The following COX6B1 variants were observed in gnomAD, a reference collection of about 807,000 sequenced individuals.
COX6B1 encodes the protein COX VIb-1.
In COX6B1, 2 loss-of-function variants were observed where a neutral mutation model predicts 14.0. The observed-to-expected ratio is 0.14, with a 90% CI of 0.06 to 0.45. COX6B1 has a LOEUF of 0.45. Ranked by LOEUF, COX6B1 falls within the 20% of genes least tolerant of loss-of-function variation. COX6B1 has a pLI of 0.98. For synonymous variants in COX6B1, 30 were observed against 39.7 expected, an observed-to-expected ratio of 0.76 and a Z score of 0.92; for missense variants, 81 against 114.2, an observed-to-expected ratio of 0.71 and a Z score of 1.33.
At chr19:35,650,295 A>C (rs1967810692) in intron 1 of COX6B1, among the ~76,000 whole-genome samples, 1 of 152,100 alleles carries the variant, frequency 6.6e-6, no homozygotes, top group Admixed American at 6.6e-5. Flanking sequence ...GAGCCACCGC[A>C]CCCGGCGAAA....
chr19:35,651,117 A>T, intron 1 of COX6B1, 116 bp from the exon 2 acceptor site: 1 of 726,630 alleles, frequency 1.4e-6, no homozygotes, highest in Non-Finnish European at 2.5e-6. Context: ...GAGAGGCAGG[A>T]ACTTGTTCAC....
chr19:35,651,405 C>A, intron 2 of COX6B1, 56 bp downstream of exon 2: 1 of 1,335,552 alleles, frequency 7.5e-7, no homozygotes, highest in Non-Finnish European at 1.1e-6. Context: ...CTTGCCTCTT[C>A]CTAGGGGACC....
chr19:35,652,309 G>A (rs1156424507), intron 2 of COX6B1, among the ~76,000 whole-genome samples: 1 of 151,936 alleles, frequency 6.6e-6, no homozygotes, highest in African/African-American at 2.4e-5. Context: ...GGGATTACAG[G>A]CATGAGCCAC....
chr19:35,656,605 C>T (rs997997420), intron 3 of COX6B1, among the ~76,000 whole-genome samples: 26 of 151,876 alleles, frequency 1.7e-4, no homozygotes, highest in African/African-American at 4.8e-4. Flanking sequence ...CTCAGCCTCC[C>T]GAGTGTCTGG....
chr19:35,651,181 C>T, intron 1 of COX6B1, 52 bp from the exon 2 acceptor site: 1 of 1,147,928 alleles, frequency 8.7e-7, no homozygotes, highest in East Asian at 2.4e-5. Flanking sequence ...GGTAGTCTGG[C>T]TTGCTCAGGG....
At chr19:35,650,823 A>ATAATTTTTTTTTTTTAT (rs1967816265) in intron 1 of COX6B1, among the ~76,000 whole-genome samples, 1 of 152,212 alleles carries the variant, frequency 6.6e-6, no homozygotes, top group Non-Finnish European at 1.5e-5. Flanking sequence ...CAACGGAGGC[A>ATAATTTTTTTTTTTTAT]GCCCACCAGT....
chr19:35,658,455 C>T (rs1006546294), intron 3 of COX6B1, 139 bp from the exon 4 acceptor site: 17 of 722,230 alleles, frequency 2.4e-5, no homozygotes, highest in Non-Finnish European at 3.3e-5. Context: ...GCTGATTCCC[C>T]GGCCTCTAGA....
chr19:35,658,068 A>G (rs1239742009), intron 3 of COX6B1, among the ~76,000 whole-genome samples: 1 of 152,136 alleles, frequency 6.6e-6, no homozygotes, highest in African/African-American at 2.4e-5. Flanking sequence ...CTGGGATGAC[A>G]GGTGCGAGTC....
chr19:35,651,855 G>T (rs1205034824), intron 2 of COX6B1, among the ~76,000 whole-genome samples: 4 of 151,888 alleles, frequency 2.6e-5, no homozygotes, highest in Non-Finnish European at 5.9e-5. Context: ...GTGAGCCACC[G>T]TGCCTGGCCC....
intron 1 of COX6B1, 28 bp downstream of exon 1, chr19:35,648,431 G>A (rs921048479): frequency 6.0e-5 from 12 of 200,598 alleles, no homozygotes; most frequent in Admixed American, 1.1e-4. Flanking sequence ...TGTAACCTGG[G>A]ACCCCAGTCT....
At chr19:35,651,145 G>A (rs1027468307) in intron 1 of COX6B1, 88 bp from the exon 2 acceptor site, 113 of 810,654 alleles carry the variant, frequency 1.4e-4, no homozygotes, top group Admixed American at 2.5e-4. Context: ...CCATTGTTCC[G>A]TGCCTGCCCT....
intron 1 of COX6B1, 31 bp from the exon 2 acceptor site, chr19:35,651,202 C>T: frequency 6.7e-7 from 1 of 1,494,088 alleles, no homozygotes; most frequent in Non-Finnish European, 9.3e-7. Context: ...CCCCTGGGGC[C>T]CCTGCTGACA....
At chr19:35,654,800 C>T in intron 3 of COX6B1, 129 bp downstream of exon 3, 1 of 750,752 alleles carries the variant, frequency 1.3e-6, no homozygotes, top group Non-Finnish European at 2.2e-6. Context: ...TCCCAGGACT[C>T]AGTGCCTTTC....
intron 2 of COX6B1, among the ~76,000 whole-genome samples, chr19:35,654,151 C>T (rs886482503): frequency 1.3e-5 from 2 of 152,216 alleles, no homozygotes; most frequent in African/African-American, 4.8e-5. Context: ...CAGTTTTCTA[C>T]AATTTATTCT....
intron 3 of COX6B1, among the ~76,000 whole-genome samples, chr19:35,655,859 T>A (rs1967884011): frequency 6.6e-6 from 1 of 151,946 alleles, no homozygotes; most frequent in Admixed American, 6.6e-5. Context: ...CTCTCTTTCT[T>A]TCCTTTCTTT....
chr19:35,658,310 C>T lies in COX6B1; in HGVS notation c.208-284C>T, dbSNP rs531360333. ...GACTTGAGGTTTTCAAAGCAGGGCC[C>T]ACCCTTGGAGCTCTGTACAGTGACA... On this transcript the variant is annotated intron_variant, in intron 3 of 3. Coordinates refer to ENST00000649813, the MANE Select transcript of COX6B1 (RefSeq NM_001863.5). 8.8e-4 allele frequency among the ~76,000 whole-genome samples: 134 copies of T among 152,236 alleles called. No individual in the cohort carries two copies. The South Asian group carries it at 0.013, about 15-fold the overall frequency.
At chr19:35,651,494 G>C (rs189525124) in intron 2 of COX6B1, 145 bp downstream of exon 2, 805 of 694,198 alleles carry the variant, frequency 1.2e-3, no homozygotes, top group South Asian at 1.6e-3. Context: ...CTGCTGTTCA[G>C]GTCCAGGCTA....
At chr19:35,648,877 T>A in intron 1 of COX6B1, 1 of 533,434 alleles carries the variant, frequency 1.9e-6, no homozygotes, top group South Asian at 1.4e-5. Context: ...CGATGCACCC[T>A]CATCCTCAGA....
intron 2 of COX6B1, among the ~76,000 whole-genome samples, chr19:35,652,239 C>T (rs1967833365): frequency 2.6e-5 from 4 of 151,340 alleles, no homozygotes; most frequent in Admixed American, 2.6e-4. Context: ...CCATGTTGGT[C>T]AGGCTGGTCT....
Sources: gnomAD v4.1 joint callset for allele counts (sites outside exome capture counted in the v4.1 genomes callset) on GRCh38, gnomAD v4.1.1 for gene constraint, MANE v1.5 for transcripts, NCBI Gene and HGNC (gene_info 2026-07-23, HGNC 2026-07-21) for gene names.